TENM3: variants seen among roughly 807,000 people sequenced by gnomAD.
TENM3 encodes the protein teneurin transmembrane protein 3.
In TENM3, 63 loss-of-function variants were observed where a neutral mutation model predicts 255.1. The ratio of observed to expected loss-of-function variants is 0.25; its 90% CI spans 0.20 to 0.30. The LOEUF (loss-of-function observed/expected upper bound fraction) is 0.30. Ranked by LOEUF, TENM3 falls within the 10% of genes least tolerant of loss-of-function variation. The pLI is 1.00. For missense variants in TENM3, 2,929 were observed against 3,461.1 expected (o/e 0.85, Z 3.86); for synonymous variants, 1,306 against 1,322.3 (o/e 0.99, Z 0.27).
chr4:181,989,935 G>C, the TENM3 span, among the ~76,000 whole-genome samples: 1 of 152,078 alleles, frequency 6.6e-6, no homozygotes, highest in African/African-American at 2.4e-5. Flanking sequence ...TTTCAAAGAG[G>C]ATGATGCACT....
chr4:181,962,625 C>G, the TENM3 span, among the ~76,000 whole-genome samples: 1 of 152,168 alleles, frequency 6.6e-6, no homozygotes, highest in South Asian at 2.1e-4. Context: ...ATAAAACAAC[C>G]AGTATAAGTT....
chr4:181,669,031 C>T, the TENM3 span, among the ~76,000 whole-genome samples: 3 of 152,090 alleles, frequency 2.0e-5, no homozygotes, highest in Admixed American at 2.0e-4. Context: ...AACCTCCAAT[C>T]ATAGGTCATT....
chr4:181,494,582 G>T, the TENM3 span, among the ~76,000 whole-genome samples: 1 of 152,188 alleles, frequency 6.6e-6, no homozygotes, highest in African/African-American at 2.4e-5. Flanking sequence ...CACCGCACCC[G>T]GCTCAGCTTC....
rs1766898431 is a variant in TENM3, at chr4:182,800,870, G to A, written c.*519G>A. 6.5e-6 allele frequency: 1 copy of A among 152,814 alleles called. No individual in the cohort carries two copies. The highest frequency in any genetic ancestry group is 1.5e-5 in the Non-Finnish European group (1 of 68,148). 9.5% of individuals were successfully genotyped at this position (152,814 alleles called of 1,614,324 possible). Reference sequence around the variant, plus strand: ...AGCTTTGTAGAAGGACATTGGCACAGTGACTTCTGCGGCGGGGATTTATTA... The same window carrying A: ...AGCTTTGTAGAAGGACATTGGCACAATGACTTCTGCGGCGGGGATTTATTA... On this transcript the variant is annotated 3_prime_UTR_variant, in exon 28 of 28. Transcript: ENST00000511685.
the TENM3 span, among the ~76,000 whole-genome samples, chr4:181,614,540 TA>T: frequency 6.6e-6 from 1 of 152,198 alleles, no homozygotes; most frequent in Admixed American, 6.5e-5. Flanking sequence ...CCATGTATTT[TA>T]AAGGCAATCT....
intron 19 of TENM3, among the ~76,000 whole-genome samples, chr4:182,750,758 A>G (rs1762313859): frequency 6.6e-6 from 1 of 152,156 alleles, no homozygotes; most frequent in Non-Finnish European, 1.5e-5. Context: ...AATGAGAATT[A>G]ATTAATATAA....
chr4:182,600,866 T>TAC, intron 3 of TENM3, 58 bp from the exon 4 acceptor site: 1 of 585,978 alleles, frequency 1.7e-6, no homozygotes, highest in Non-Finnish European at 2.5e-6. Flanking sequence ...AGTGTGTATA[T>TAC]ACATATATAT....
chr4:182,060,443 A>G, the TENM3 span, among the ~76,000 whole-genome samples: 1 of 152,096 alleles, frequency 6.6e-6, no homozygotes, highest in Non-Finnish European at 1.5e-5. Flanking sequence ...TTCCATGCAC[A>G]GTTCACAATA....
At chr4:182,231,247 G>A (rs537325960) in intron 1 of TENM3, among the ~76,000 whole-genome samples, 142 of 152,042 alleles carry the variant, frequency 9.3e-4, no homozygotes, top group Admixed American at 2.1e-3. Flanking sequence ...AGCTATTCCC[G>A]AGGAGGGTGC....
chr4:182,436,870 T>G lies in TENM3; in HGVS notation c.511+89941T>G, dbSNP rs9998891. ...CCATCTCTACTAAAAATACAAAAAT[T>G]AGCCAGGCGTGGTGGTGGGCACCTG... is the stretch of plus-strand genomic sequence containing the variant. On this transcript the variant is annotated intron_variant, in intron 3 of 27. Coordinates refer to ENST00000511685, the MANE Select transcript of TENM3 (RefSeq NM_001080477.4). 9.8e-3 allele frequency among the ~76,000 whole-genome samples: 1,489 copies of G among 151,964 alleles called. 34 individuals are homozygous for G. Among genetic ancestry groups the G allele is most frequent in the African/African-American group, 0.035 (1,429 of 41,412 alleles).
At chr4:182,434,118 A>T (rs78856430) in intron 3 of TENM3, among the ~76,000 whole-genome samples, 1 of 71,266 alleles carries the variant, frequency 1.4e-5, no homozygotes, top group African/African-American at 4.9e-5. Context: ...TGCCTCCATT[A>T]AAAAAAAAAA....
chr4:182,048,309 A>G, the TENM3 span, among the ~76,000 whole-genome samples: 1 of 152,198 alleles, frequency 6.6e-6, no homozygotes, highest in African/African-American at 2.4e-5. Context: ...GTGTGTATCA[A>G]AGTAAAATAT....
chr4:181,592,020 T>C, the TENM3 span, among the ~76,000 whole-genome samples: 2 of 151,764 alleles, frequency 1.3e-5, no homozygotes, highest in South Asian at 2.1e-4. Flanking sequence ...AAATGAAAAC[T>C]AATCTTCAGT....
the TENM3 span, among the ~76,000 whole-genome samples, chr4:182,137,465 G>C: frequency 6.6e-6 from 1 of 152,206 alleles, no homozygotes; most frequent in Admixed American, 6.5e-5. Context: ...GCGGTGTTTT[G>C]ATCTGCTAAG....
At chr4:182,308,789 GGT>G (rs1193316386) in intron 1 of TENM3, among the ~76,000 whole-genome samples, 1 of 152,122 alleles carries the variant, frequency 6.6e-6, no homozygotes, top group Non-Finnish European at 1.5e-5. Context: ...TGCATTTTAA[GGT>G]GTGTAACTAA....
the TENM3 span, among the ~76,000 whole-genome samples, chr4:182,080,695 A>G: frequency 6.6e-6 from 1 of 152,178 alleles, no homozygotes; most frequent in East Asian, 1.9e-4. Flanking sequence ...AGAACATTCA[A>G]TTCAAAGTTG....
rs188244532 is a variant in TENM3 at position 182,778,218 on chromosome 4, T to G, written c.5304+3065T>G. On this transcript the variant is annotated intron_variant, in intron 24 of 27. Coordinates refer to ENST00000511685, the MANE Select transcript of TENM3 (RefSeq NM_001080477.4). ...TGTCATGGTGTTCTAATAATAAAAT[T>G]CATCCCCTAAAGCTGCCCAGATTCA... Among the ~76,000 whole-genome samples, 50 of 152,210 alleles carry G rather than the reference T, an allele frequency of 3.3e-4. No individual in the cohort carries two copies. In the East Asian group the frequency reaches 9.4e-3, roughly 29 times the overall value.
chr4:182,164,574 G>A (rs1751583984), intron 1 of TENM3, among the ~76,000 whole-genome samples: 1 of 152,122 alleles, frequency 6.6e-6, no homozygotes, highest in South Asian at 2.1e-4. Context: ...AACGCAAAGA[G>A]GATCCTGTCA....
At chr4:182,760,188 T>C (rs988459961) in intron 22 of TENM3, among the ~76,000 whole-genome samples, 1 of 152,194 alleles carries the variant, frequency 6.6e-6, no homozygotes, top group African/African-American at 2.4e-5. Context: ...CGCTTCATGC[T>C]GCTCTTCACA....
Sources: gnomAD v4.1 joint callset for allele counts (sites outside exome capture counted in the v4.1 genomes callset) on GRCh38, gnomAD v4.1.1 for gene constraint, MANE v1.5 for transcripts, NCBI Gene and HGNC (gene_info 2026-07-23, HGNC 2026-07-21) for gene names.